PARN: variants seen among roughly 807,000 people sequenced by gnomAD.
PARN encodes poly(A)-specific ribonuclease PARN.
PARN carries 71 observed loss-of-function variants against 102.8 expected under a neutral mutation model. That is an observed-to-expected ratio of 0.69 (90% CI 0.57 to 0.84). The LOEUF (loss-of-function observed/expected upper bound fraction) is 0.84, where lower values mean the gene tolerates loss of function less well. Among genes scored for constraint, PARN ranks in the 40% least tolerant of loss-of-function variants. The probability of loss-of-function intolerance (pLI) is 0.00; values close to 1 mark genes in which losing one functional copy is unlikely to be tolerated. For synonymous variants in PARN, 261 were observed against 252.9 expected, an observed-to-expected ratio of 1.03 and a Z score of -0.30; for missense variants, 782 against 760.9, an observed-to-expected ratio of 1.03 and a Z score of -0.33.
intron 6 of PARN, among the ~76,000 whole-genome samples, chr16:14,612,273 C>T (rs1026791631): frequency 1.3e-5 from 2 of 151,958 alleles, no homozygotes; most frequent in African/African-American, 4.8e-5. Flanking sequence ...CCCGTCTCTA[C>T]TAAAAATACA....
At chr16:14,604,899 A>G (rs1971092058) in intron 10 of PARN, among the ~76,000 whole-genome samples, 1 of 151,364 alleles carries the variant, frequency 6.6e-6, no homozygotes, top group Non-Finnish European at 1.5e-5. Flanking sequence ...TACAGGCATG[A>G]GCCACCACAC....
intron 9 of PARN, 128 bp downstream of exon 9, chr16:14,608,153 G>A: frequency 1.5e-6 from 1 of 688,474 alleles, no homozygotes; most frequent in South Asian, 1.8e-5. Flanking sequence ...GAAAGTAGGG[G>A]GAACTTCATG....
intron 22 of PARN, among the ~76,000 whole-genome samples, chr16:14,462,301 G>A (rs748813208): frequency 2.6e-5 from 4 of 152,108 alleles, no homozygotes; most frequent in Non-Finnish European, 5.9e-5. Context: ...AAGGGGGAAA[G>A]TCAGAGAAAT....
At chr16:14,563,330 C>T (rs1968194104) in intron 18 of PARN, among the ~76,000 whole-genome samples, 1 of 152,154 alleles carries the variant, frequency 6.6e-6, no homozygotes, top group African/African-American at 2.4e-5. Flanking sequence ...GTGTTGGAGC[C>T]AGTGCAGTGC....
chr16:14,611,870 C>G (rs995275281), intron 6 of PARN, among the ~76,000 whole-genome samples: 1 of 152,098 alleles, frequency 6.6e-6, no homozygotes, highest in Non-Finnish European at 1.5e-5. Context: ...GGCTCGATGG[C>G]AAATGTTTTA....
intron 18 of PARN, among the ~76,000 whole-genome samples, chr16:14,568,255 C>G (rs1968555737): frequency 6.7e-6 from 1 of 149,984 alleles, no homozygotes; most frequent in South Asian, 2.1e-4. Context: ...CCCTGTTGCC[C>G]AGGCTGCGGT....
At chr16:14,480,486 A>C (rs1963318056) in intron 22 of PARN, among the ~76,000 whole-genome samples, 1 of 152,260 alleles carries the variant, frequency 6.6e-6, no homozygotes, top group African/African-American at 2.4e-5. Flanking sequence ...GTGAATAGCG[A>C]AAAGACAAAC....
At chr16:14,454,850 CT>C (rs1217640055) in intron 22 of PARN, among the ~76,000 whole-genome samples, 1 of 152,154 alleles carries the variant, frequency 6.6e-6, no homozygotes, top group Non-Finnish European at 1.5e-5. Context: ...TAGCAAATCA[CT>C]TTTATGTGAT....
chr16:14,530,123 G>A (rs1464507875), intron 21 of PARN, among the ~76,000 whole-genome samples: 1 of 152,192 alleles, frequency 6.6e-6, no homozygotes, highest in Admixed American at 6.5e-5. Flanking sequence ...CTCAAGGAGA[G>A]CCAAGCAAGG....
In PARN at chr16:14,593,300, C is replaced by A. The variant is rs756132866; in HGVS notation, c.918+1G>T. 2.6e-6 allele frequency: 4 copies of A among 1,535,450 alleles called. No individual in the cohort carries two copies. In the South Asian group the frequency reaches 3.4e-5, roughly 13 times the overall value. ...TAAACACAGACCAACAGGTCACTTACCGCAGGCAGAGGGCAGTAGAACTGA... is the reference window on the plus strand; with the variant it reads ...TAAACACAGACCAACAGGTCACTTAACGCAGGCAGAGGGCAGTAGAACTGA... On this transcript the variant is annotated splice_donor_variant, in intron 13 of 23. Coordinates refer to ENST00000437198, the MANE Select transcript of PARN (RefSeq NM_002582.4). LOFTEE classifies it high-confidence loss of function.
intron 16 of PARN, 59 bp downstream of exon 16, chr16:14,584,288 C>T (rs997818449): frequency 8.1e-7 from 1 of 1,233,482 alleles, no homozygotes; most frequent in Admixed American, 1.8e-5. Flanking sequence ...TTTTCTTCTA[C>T]AATATACATC....
chr16:14,462,286 T>C (rs966689556), intron 22 of PARN, among the ~76,000 whole-genome samples: 1 of 151,322 alleles, frequency 6.6e-6, no homozygotes, highest in Non-Finnish European at 1.5e-5. Context: ...CCAATGAAAG[T>C]ATTGAAGGGG....
intron 23 of PARN, among the ~76,000 whole-genome samples, chr16:14,445,085 C>T (rs1429074568): frequency 1.4e-5 from 2 of 144,710 alleles, no homozygotes; most frequent in Non-Finnish European, 3.0e-5. Context: ...GCTTCAGCTT[C>T]CCAGAGTGGT....
intron 18 of PARN, among the ~76,000 whole-genome samples, chr16:14,556,536 A>C (rs566686536): frequency 6.6e-6 from 1 of 152,214 alleles, no homozygotes; most frequent in South Asian, 2.1e-4. Context: ...ACAAATAGAA[A>C]AAACAAACAA....
intron 17 of PARN, among the ~76,000 whole-genome samples, chr16:14,581,699 C>T (rs1204674651): frequency 6.6e-6 from 1 of 152,108 alleles, no homozygotes; most frequent in African/African-American, 2.4e-5. Context: ...GTAGGAGGAT[C>T]ACTTGAGCCC....
intron 12 of PARN, among the ~76,000 whole-genome samples, chr16:14,595,906 C>T (rs1377834419): frequency 6.6e-6 from 1 of 152,128 alleles, no homozygotes; most frequent in African/African-American, 2.4e-5. Flanking sequence ...CTGAAGCAGT[C>T]CTCCTGCCTT....
At chr16:14,492,652 G>GT (rs1255405571) in intron 21 of PARN, among the ~76,000 whole-genome samples, 1 of 152,142 alleles carries the variant, frequency 6.6e-6, no homozygotes, top group Non-Finnish European at 1.5e-5. Context: ...ACTGGCCACT[G>GT]TTCCCATGTG....
At chr16:14,557,053 ATTTTC>A (rs1041819907) in intron 18 of PARN, among the ~76,000 whole-genome samples, 18 of 152,240 alleles carry the variant, frequency 1.2e-4, no homozygotes, top group Admixed American at 2.6e-4. Flanking sequence ...ATGCCATTCA[ATTTTC>A]TTTTATTTGC....
intron 23 of PARN, among the ~76,000 whole-genome samples, chr16:14,444,093 T>C (rs1961081231): frequency 6.6e-6 from 1 of 152,204 alleles, no homozygotes; most frequent in Non-Finnish European, 1.5e-5. Context: ...GCAAGCCAAA[T>C]TGGCTGATTC....
Sources: allele counts gnomAD v4.1 joint callset (sites outside exome capture counted in the v4.1 genomes callset), GRCh38; gene constraint gnomAD v4.1.1; transcripts MANE v1.5; gene names NCBI Gene and HGNC (gene_info 2026-07-23, HGNC 2026-07-21).